Variants in TULP4 observed in about 807,000 individuals in gnomAD.
TULP4 encodes TUB like protein 4, also known as tubby-related protein 4.
Under a neutral mutation model 129.0 loss-of-function variants are expected in TULP4, and 16 were observed. The observed-to-expected ratio is 0.12, with a 90% CI of 0.08 to 0.19. The LOEUF (loss-of-function observed/expected upper bound fraction) is 0.19, where lower values mean the gene tolerates loss of function less well. TULP4 is among the 10% of genes least tolerant of loss of function. The pLI, the probability that TULP4 is intolerant of heterozygous loss-of-function variation, is 1.00. For synonymous variants in TULP4, 998 were observed against 854.0 expected, an observed-to-expected ratio of 1.17 and a Z score of -2.94; for missense variants, 1,842 against 2,059.1, an observed-to-expected ratio of 0.89 and a Z score of 2.04.
chr6:158,285,575 C>T (rs2128468299), intron 1 of TULP4, among the ~76,000 whole-genome samples: 1 of 152,310 alleles, frequency 6.6e-6, no homozygotes, highest in South Asian at 2.1e-4. Context: ...TACTGTTCAC[C>T]ACCCTGAGAT....
intron 1 of TULP4, among the ~76,000 whole-genome samples, chr6:158,239,982 T>C (rs866612748): frequency 0.01 from 215 of 20,958 alleles, no homozygotes; most frequent in Admixed American, 0.034. Context: ...GGCGGCTGGC[T>C]GGGCGGGGGG....
rs575875980 is a variant in TULP4, at chr6:158,313,053, C to T, written c.-964C>T. ...AAAAGGGGAGTGCTAACTGGGGGAG[C>T]GAGAAGGGAGACGAGCAAAAGAAAC... is the stretch of plus-strand genomic sequence containing the variant. On this transcript the variant is annotated 5_prime_UTR_variant, in exon 1 of 14. Transcript: ENST00000367097. The T allele has an allele frequency of 1.1e-4, 17 of 157,956 alleles. No homozygotes were observed. Among genetic ancestry groups the T allele is most frequent in the Admixed American group, 5.8e-4 (9 of 15,456 alleles). The allele number at this position is 157,956 out of a possible 1,614,324, so 9.8% of individuals were successfully genotyped here.
chr6:158,316,603 G>C (rs111758509), intron 1 of TULP4, among the ~76,000 whole-genome samples: 3 of 151,976 alleles, frequency 2.0e-5, no homozygotes, highest in Non-Finnish European at 4.4e-5. Context: ...AAGTGGATAC[G>C]CTTCAAATTT....
At chr6:158,423,120 A>AGGG (rs746768899) in intron 2 of TULP4, among the ~76,000 whole-genome samples, 8 of 59,170 alleles carry the variant, frequency 1.4e-4, no homozygotes, top group Non-Finnish European at 2.2e-4. Flanking sequence ...TCCACAAAAA[A>AGGG]GAGGGGGGGG....
intron 1 of TULP4, among the ~76,000 whole-genome samples, chr6:158,276,959 G>C (rs1018411460): frequency 6.6e-6 from 1 of 151,340 alleles, no homozygotes; most frequent in African/African-American, 2.4e-5. Flanking sequence ...TCTTTTTTGA[G>C]ATAGGGTCTT....
At chr6:158,385,244 A>T (rs749111851) in intron 1 of TULP4, among the ~76,000 whole-genome samples, 1 of 152,232 alleles carries the variant, frequency 6.6e-6, no homozygotes, top group Non-Finnish European at 1.5e-5. Context: ...AGCTTATGAT[A>T]ACAGTTTATT....
intron 1 of TULP4, among the ~76,000 whole-genome samples, chr6:158,240,298 A>G (rs1357656879): frequency 1.9e-4 from 15 of 76,986 alleles, no homozygotes; most frequent in Non-Finnish European, 1.7e-4. Context: ...GTGGCCGGGC[A>G]GAGGCGCCCC....
intron 8 of TULP4, among the ~76,000 whole-genome samples, chr6:158,484,195 G>A (rs1390755771): frequency 6.6e-6 from 1 of 151,800 alleles, no homozygotes; most frequent in Non-Finnish European, 1.5e-5. Context: ...ATAGTGCTGG[G>A]ATCATAGGTG....
chr6:158,301,114 T>A (rs1264788498), intron 1 of TULP4, among the ~76,000 whole-genome samples: 1 of 152,244 alleles, frequency 6.6e-6, no homozygotes, highest in African/African-American at 2.4e-5. Flanking sequence ...CCAATATGTT[T>A]GATAGTAGCG....
At chr6:158,244,555 C>CAGG in intron 1 of TULP4, among the ~76,000 whole-genome samples, 1 of 152,186 alleles carries the variant, frequency 6.6e-6, no homozygotes, top group East Asian at 1.9e-4. Flanking sequence ...GAAGAGACAC[C>CAGG]AGGAGGCTTG....
intron 3 of TULP4, among the ~76,000 whole-genome samples, chr6:158,440,014 AGT>A (rs1181895208): frequency 6.6e-6 from 1 of 151,024 alleles, no homozygotes; most frequent in Non-Finnish European, 1.5e-5. Context: ...TCCGGCCTAG[AGT>A]GTTTCTTTTT....
chr6:158,445,665 T>G (rs898601060), intron 3 of TULP4, among the ~76,000 whole-genome samples: 9 of 152,306 alleles, frequency 5.9e-5, no homozygotes, highest in African/African-American at 2.2e-4. Context: ...GCACCTGCCA[T>G]GAACCAGCTG....
intron 8 of TULP4, among the ~76,000 whole-genome samples, chr6:158,486,215 G>C (rs1166978776): frequency 6.6e-6 from 1 of 152,084 alleles, no homozygotes; most frequent in Non-Finnish European, 1.5e-5. Flanking sequence ...GGACTTACAG[G>C]GGGGAGTTAA....
intron 3 of TULP4, among the ~76,000 whole-genome samples, chr6:158,444,465 C>T (rs748613432): frequency 6.5e-4 from 99 of 152,064 alleles, no homozygotes; most frequent in Middle Eastern, 3.4e-3. Flanking sequence ...GGGAAAAAGT[C>T]ACCTCCTTCA....
chr6:158,292,586 A>G (rs905913308), intron 1 of TULP4, among the ~76,000 whole-genome samples: 4 of 152,050 alleles, frequency 2.6e-5, no homozygotes, highest in Admixed American at 2.6e-4. Context: ...CTTCCTGAGA[A>G]CGTCTTTTCA....
At chr6:158,424,556 G>A (rs1259283458) in intron 2 of TULP4, among the ~76,000 whole-genome samples, 1 of 152,056 alleles carries the variant, frequency 6.6e-6, no homozygotes. Context: ...AGCCCATCTT[G>A]TATACTTCAA....
intron 1 of TULP4, among the ~76,000 whole-genome samples, chr6:158,306,711 A>G (rs1779221588): frequency 6.6e-6 from 1 of 152,182 alleles, no homozygotes; most frequent in Non-Finnish European, 1.5e-5. Flanking sequence ...ATCTGTTGAT[A>G]TTTACCATAT....
chr6:158,287,336 C>A (rs938492233), intron 1 of TULP4, among the ~76,000 whole-genome samples: 1 of 152,200 alleles, frequency 6.6e-6, no homozygotes, highest in Admixed American at 6.5e-5. Flanking sequence ...TAATTTACGA[C>A]ATCATTGGAA....
chr6:158,346,347 C>T (rs1780311359), intron 1 of TULP4, among the ~76,000 whole-genome samples: 1 of 152,178 alleles, frequency 6.6e-6, no homozygotes, highest in Non-Finnish European at 1.5e-5. Context: ...AATTTATGTT[C>T]CTCTGCCACA....
Sources: gnomAD v4.1 joint callset for allele counts (sites outside exome capture counted in the v4.1 genomes callset) on GRCh38, gnomAD v4.1.1 for gene constraint, MANE v1.5 for transcripts, NCBI Gene and HGNC (gene_info 2026-07-23, HGNC 2026-07-21) for gene names.